Variants in EFHC2 observed in about 807,000 individuals in gnomAD.
The protein encoded by EFHC2 is EF-hand domain-containing family member C2.
EFHC2 carries 18 observed loss-of-function variants against 52.7 expected under a neutral mutation model. The observed-to-expected ratio is 0.34, with a 90% CI of 0.24 to 0.51. The LOEUF (loss-of-function observed/expected upper bound fraction) is 0.51. EFHC2 is among the 20% of genes least tolerant of loss of function. The pLI is 0.97. For synonymous variants in EFHC2, 203 were observed against 204.1 expected, an observed-to-expected ratio of 0.99 and a Z score of 0.04; for missense variants, 513 against 562.5, an observed-to-expected ratio of 0.91 and a Z score of 0.89.
chrX:44,203,440 G>A (rs1465239291), intron 11 of EFHC2, among the ~76,000 whole-genome samples: 5 of 111,304 alleles, frequency 4.5e-5, no homozygotes, highest in African/African-American at 1.6e-4. Flanking sequence ...GTGGATTCAC[G>A]GCCCACAGCC....
intron 14 of EFHC2, among the ~76,000 whole-genome samples, chrX:44,158,485 C>G (rs1192321397): frequency 9.0e-6 from 1 of 111,228 alleles, no homozygotes; most frequent in Non-Finnish European, 1.9e-5. Context: ...TTTGCTTCCA[C>G]ACGGGAGCTC....
At chrX:44,310,798 G>A (rs1299424546) in intron 2 of EFHC2, among the ~76,000 whole-genome samples, 1 of 111,592 alleles carries the variant, frequency 9.0e-6, no homozygotes, top group Non-Finnish European at 1.9e-5. Context: ...CAAGCTCTTC[G>A]TTTACTCAAG....
At chrX:44,204,255 C>T (rs1353304508) in intron 11 of EFHC2, among the ~76,000 whole-genome samples, 1 of 79,349 alleles carries the variant, frequency 1.3e-5, no homozygotes, top group South Asian at 5.7e-4. Flanking sequence ...AAAAAAAAAG[C>T]AGCAACAGCC....
chrX:44,304,129 T>C (rs1445638228), intron 2 of EFHC2, among the ~76,000 whole-genome samples: 1 of 112,555 alleles, frequency 8.9e-6, no homozygotes, highest in Non-Finnish European at 1.9e-5. Context: ...ACAGCCACCA[T>C]AGCGTAGCAT....
At chrX:44,270,792 T>C (rs1224947730) in intron 3 of EFHC2, among the ~76,000 whole-genome samples, 1 of 110,813 alleles carries the variant, frequency 9.0e-6, no homozygotes, top group East Asian at 2.9e-4. Context: ...AGCAGGCTTA[T>C]TGACAAGCTA....
chrX:44,164,449 G>T (rs1029687159), intron 13 of EFHC2, among the ~76,000 whole-genome samples: 2 of 111,998 alleles, frequency 1.8e-5, no homozygotes, highest in African/African-American at 6.5e-5. Context: ...AATCTTTAAG[G>T]CAAGCTAGAT....
At position 44,194,823 on chromosome X, in the gene EFHC2, C is replaced by G. The variant is rs769267848; in HGVS notation, c.1752-16259G>C. Among the ~76,000 whole-genome samples the G allele has an allele frequency of 5.3e-4, 59 of 111,211 alleles. 1 individual carries two copies. Among genetic ancestry groups the G allele is most frequent in the African/African-American group, 1.9e-3 (59 of 30,599 alleles). On this transcript the variant is annotated intron_variant, in intron 11 of 14. Transcript: ENST00000420999. ...AGCAGGCGCTGGCACAAAGTTCTAC[C>G]CAGGTTACAGAATGGTGACTCGCAG...
chrX:44,328,990 G>A (rs1240660516), intron 1 of EFHC2, among the ~76,000 whole-genome samples: 2 of 111,670 alleles, frequency 1.8e-5, no homozygotes, highest in African/African-American at 3.3e-5. Context: ...TGCTTTTGTT[G>A]CTTAATTCTT....
rs773667612 is a variant in EFHC2 at position 44,148,882 on chromosome X, A to C, written c.2163T>G (p.Val721=). ...GAATAGGTGATGGCATACCAAGCCA[A>C]ACATCTTCACATCTCTAGAAAAAAA... The part of the protein sequence containing the change: ...ASYLKERCED[V]WLGMPSPIPA... The change falls in exon 15 of 15, where the codon GTT becomes GTG. Residue 721 remains valine (V), a synonymous_variant. Coordinates refer to ENST00000420999, the MANE Select transcript of EFHC2 (RefSeq NM_025184.4). 4.2e-6 allele frequency: 5 copies of C among 1,178,090 alleles called. No individual in the cohort carries two copies. Among genetic ancestry groups the C allele is most frequent in the African/African-American group, 1.8e-5 (1 of 56,551 alleles).
At chrX:44,275,787 GC>G (rs2037652232) in intron 2 of EFHC2, among the ~76,000 whole-genome samples, 1 of 108,301 alleles carries the variant, frequency 9.2e-6, no homozygotes, top group Non-Finnish European at 1.9e-5. Context: ...GCTGGCACAT[GC>G]TTGTAATCCC....
intron 1 of EFHC2, among the ~76,000 whole-genome samples, chrX:44,342,688 C>T (rs2038158056): frequency 9.1e-6 from 1 of 109,720 alleles, no homozygotes; most frequent in South Asian, 3.9e-4. Context: ...GCCAGCCTGG[C>T]CAACATGGTG....
intron 11 of EFHC2, among the ~76,000 whole-genome samples, chrX:44,223,298 T>C (rs2037208095): frequency 8.9e-6 from 1 of 112,310 alleles, no homozygotes; most frequent in Non-Finnish European, 1.9e-5. Context: ...CCAGAAATAG[T>C]GGTAGTTATG....
At chrX:44,252,026 A>C (rs2037455329) in intron 4 of EFHC2, among the ~76,000 whole-genome samples, 1 of 111,959 alleles carries the variant, frequency 8.9e-6, no homozygotes, top group East Asian at 2.8e-4. Context: ...TGTGAAGGTA[A>C]AAGGGAAGAA....
intron 2 of EFHC2, among the ~76,000 whole-genome samples, chrX:44,289,322 C>T (rs1055430170): frequency 6.3e-5 from 7 of 111,557 alleles, no homozygotes; most frequent in Admixed American, 9.5e-5. Flanking sequence ...AGCAATTAAG[C>T]AACTTTTTCA....
intron 11 of EFHC2, among the ~76,000 whole-genome samples, chrX:44,220,795 C>T (rs1419209576): frequency 8.9e-6 from 1 of 111,949 alleles, no homozygotes; most frequent in East Asian, 2.8e-4. Context: ...ATTGTGCATG[C>T]ACATACACAT....
intron 1 of EFHC2, among the ~76,000 whole-genome samples, chrX:44,313,909 CAT>C (rs1350844535): frequency 9.0e-6 from 1 of 111,366 alleles, no homozygotes; most frequent in African/African-American, 3.3e-5. Context: ...GAGCCGAAAT[CAT>C]GCCACTGCAC....
chrX:44,172,286 G>C (rs1173628629), intron 13 of EFHC2, among the ~76,000 whole-genome samples: 1 of 112,052 alleles, frequency 8.9e-6, no homozygotes, highest in Non-Finnish European at 1.9e-5. Context: ...GGAGAAGGCT[G>C]CCTCTTTCCT....
At chrX:44,209,323 A>C (rs780605825) in intron 11 of EFHC2, among the ~76,000 whole-genome samples, 109 of 110,815 alleles carry the variant, frequency 9.8e-4, no homozygotes, top group African/African-American at 3.3e-3. Flanking sequence ...ACTTTTAGCC[A>C]GTGCAATAAA....
intron 2 of EFHC2, chrX:44,310,083 A>G (rs968101067): frequency 2.7e-6 from 2 of 734,236 alleles, no homozygotes; most frequent in Non-Finnish European, 4.3e-6. Flanking sequence ...TGCAAAGAAA[A>G]CCAGAACATG....
Sources: gnomAD v4.1 joint callset for allele counts (sites outside exome capture counted in the v4.1 genomes callset) on GRCh38, gnomAD v4.1.1 for gene constraint, MANE v1.5 for transcripts, NCBI Gene and HGNC (gene_info 2026-07-23, HGNC 2026-07-21) for gene names.